CCNG1: variants seen among roughly 807,000 people sequenced by gnomAD.
The protein encoded by CCNG1 is cyclin G1.
CCNG1 carries 13 observed loss-of-function variants against 30.0 expected under a neutral mutation model. That is an observed-to-expected ratio of 0.43 (90% CI 0.28 to 0.69). The LOEUF is 0.69. Ranked by LOEUF, CCNG1 falls within the 30% of genes least tolerant of loss-of-function variation. The probability of loss-of-function intolerance (pLI) is 0.16; values close to 1 mark genes in which losing one functional copy is unlikely to be tolerated. For synonymous variants in CCNG1, 110 were observed against 121.5 expected (o/e 0.91, Z 0.62); for missense variants, 285 against 331.4 (o/e 0.86, Z 1.09).
intron 2 of CCNG1, 58 bp downstream of exon 2, chr5:163,439,578 T>A: frequency 6.7e-7 from 1 of 1,497,236 alleles, no homozygotes; most frequent in Non-Finnish European, 9.1e-7. Context: ...GATGGAATTG[T>A]TACCTTTTGG....
In CCNG1 at chr5:163,441,976, A is replaced by G. The variant is rs1345301115; in HGVS notation, c.597+12A>G. On this transcript the variant is annotated intron_variant, in intron 4 of 6. Transcript: ENST00000340828. The stretch of plus-strand genomic sequence containing the variant: ...TTTCTAAAGCAAAGGTAAATATTTT[A>G]TAAAGATTATGCCTATTGATATGAT... The G allele has an allele frequency of 4.4e-6, 7 of 1,591,688 alleles. No homozygotes were observed. Among genetic ancestry groups the G allele is most frequent in the Non-Finnish European group, 6.0e-6 (7 of 1,160,280 alleles).
the CCNG1 span, among the ~76,000 whole-genome samples, chr5:163,454,945 A>G: frequency 6.6e-6 from 1 of 152,238 alleles, no homozygotes; most frequent in Non-Finnish European, 1.5e-5. Context: ...GACTTTTTAA[A>G]AACTAGGTAG....
downstream of CCNG1, among the ~76,000 whole-genome samples, chr5:163,445,620 A>ATTTTTTTTTTTTTTT (rs56065634): frequency 6.5e-5 from 7 of 107,986 alleles, no homozygotes; most frequent in Non-Finnish European, 1.1e-4. Context: ...CACCCAGCTA[A>ATTTTTTTTTTTTTTT]TTTTTTTTTT....
chr5:163,438,055 G>A (rs902372245), intron 1 of CCNG1, among the ~76,000 whole-genome samples: 1 of 152,130 alleles, frequency 6.6e-6, no homozygotes, highest in Non-Finnish European at 1.5e-5. Flanking sequence ...TGCAGTTAGA[G>A]GTTCCTCACA....
At chr5:163,457,386 A>G in the CCNG1 span, among the ~76,000 whole-genome samples, 2 of 149,712 alleles carry the variant, frequency 1.3e-5, no homozygotes, top group African/African-American at 5.1e-5. Flanking sequence ...ATTTCCAAAA[A>G]CAACTAACTA....
At chr5:163,455,291 G>A in the CCNG1 span, among the ~76,000 whole-genome samples, 2 of 152,226 alleles carry the variant, frequency 1.3e-5, no homozygotes, top group African/African-American at 4.8e-5. Context: ...AAAGGGATGG[G>A]CTGACATGTT....
intron 3 of CCNG1, 91 bp downstream of exon 3, chr5:163,441,422 T>TA (rs1358902882): frequency 9.2e-6 from 11 of 1,200,948 alleles, no homozygotes; most frequent in Non-Finnish European, 1.3e-5. Context: ...CATAGAATTC[T>TA]AATAAAAATA....
In CCNG1 at chr5:163,444,258, G is replaced by A. The variant is rs1470005955; in HGVS notation, c.*588G>A. ...ATATGGGAATTACATTTAAATTTGA[G>A]GGCATTTTATATAAAGAAAAATACA... On this transcript the variant is annotated 3_prime_UTR_variant, in exon 7 of 7. Coordinates refer to ENST00000340828, the MANE Select transcript of CCNG1 (RefSeq NM_004060.4). 1 of 152,402 alleles carries A rather than the reference G, an allele frequency of 6.6e-6. No individual in the cohort carries two copies. Among genetic ancestry groups the A allele is most frequent in the Non-Finnish European group, 1.5e-5 (1 of 67,998 alleles). The allele number at this position is 152,402 out of a possible 1,614,324, so 9.4% of individuals were successfully genotyped here.
rs1205552345 is a variant in CCNG1 at position 163,444,411 on chromosome 5, A to AAAACT, written c.*743_*747dup. The AAAACT allele has an allele frequency of 6.6e-6, 1 of 152,564 alleles. No individual in the cohort carries two copies. The highest frequency in any genetic ancestry group is 2.4e-5 in the African/African-American group (1 of 41,446). The allele number at this position is 152,564 out of a possible 1,614,324, so 9.5% of individuals were successfully genotyped here. A position where few individuals can be genotyped will look rare whatever the true frequency, so the allele number is the denominator to read the frequency against. On this transcript the variant is annotated 3_prime_UTR_variant, in exon 7 of 7. Transcript: ENST00000340828. ...CTGCCTCAAACTGAATCCCATCAAGAAAACTAGTTTCTATTGTATTAGTAA... is the reference window on the plus strand; with the variant it reads ...CTGCCTCAAACTGAATCCCATCAAGAAAACTAAACTAGTTTCTATTGTATTAGTAA...
the CCNG1 span, chr5:163,453,925 G>T: frequency 1.8e-6 from 2 of 1,099,334 alleles, no homozygotes; most frequent in Non-Finnish European, 2.6e-6. Context: ...GATTAAGTTG[G>T]CAATATCTGC....
intron 2 of CCNG1, 59 bp downstream of exon 2, chr5:163,439,579 T>G: frequency 6.7e-7 from 1 of 1,493,062 alleles, no homozygotes; most frequent in South Asian, 1.3e-5. Flanking sequence ...ATGGAATTGT[T>G]ACCTTTTGGC....
chr5:163,456,807 A>T, the CCNG1 span: 1 of 803,112 alleles, frequency 1.2e-6, no homozygotes, highest in Non-Finnish European at 1.8e-6. Flanking sequence ...AATTCACTTT[A>T]AAAATTCTTC....
At chr5:163,455,539 G>A in the CCNG1 span, among the ~76,000 whole-genome samples, 3 of 152,146 alleles carry the variant, frequency 2.0e-5, no homozygotes, top group Non-Finnish European at 4.4e-5. Flanking sequence ...CAAGGCGGGC[G>A]GATCACGAGG....
In CCNG1 at chr5:163,441,860, A is replaced by G. The variant is rs753265525; in HGVS notation, c.519-26A>G. On this transcript the variant is annotated intron_variant, in intron 3 of 6. Transcript: ENST00000340828. ...TGACTAGATGTAGTATTACCTAATA[A>G]AAGTAATACCATTTTCTTTTTAAAG... The G allele has an allele frequency of 5.7e-6, 8 of 1,399,912 alleles. No homozygotes were observed. The East Asian group carries it at 1.6e-4, about 28-fold the overall frequency. 86.7% of individuals were successfully genotyped at this position (1,399,912 alleles called of 1,614,324 possible).
the CCNG1 span, chr5:163,457,220 C>T: frequency 1.2e-6 from 1 of 865,160 alleles, no homozygotes; most frequent in South Asian, 2.0e-5. Flanking sequence ...AAACCTCCGC[C>T]CCCCGGGTTC....
chr5:163,437,934 C>T (rs753647848), intron 1 of CCNG1, 130 bp downstream of exon 1: 1 of 152,260 alleles, frequency 6.6e-6, no homozygotes, highest in African/African-American at 2.4e-5. Flanking sequence ...GAGCACAAGC[C>T]CAGGCTAGTC....
At chr5:163,449,759 C>T (rs992428838), downstream of CCNG1, 13 of 152,146 alleles carry the variant, frequency 8.5e-5, no homozygotes, top group African/African-American at 3.1e-4. Flanking sequence ...ACCAGACTCA[C>T]ATAAATAGCA....
the CCNG1 span, chr5:163,457,218 G>T: frequency 1.2e-6 from 1 of 859,280 alleles, no homozygotes; most frequent in Non-Finnish European, 1.7e-6. Flanking sequence ...TGAAACCTCC[G>T]CCCCCCGGGT....
At chr5:163,442,888 TCTGA>T (rs1200565360) in intron 6 of CCNG1, among the ~76,000 whole-genome samples, 4 of 152,166 alleles carry the variant, frequency 2.6e-5, no homozygotes, top group African/African-American at 9.7e-5. Flanking sequence ...GCTGTATGTA[TCTGA>T]CTGATTTAAA....
Sources: allele counts gnomAD v4.1 joint callset (sites outside exome capture counted in the v4.1 genomes callset), GRCh38; gene constraint gnomAD v4.1.1; transcripts MANE v1.5; gene names NCBI Gene and HGNC (gene_info 2026-07-23, HGNC 2026-07-21).